The following SNCAIP variants were observed in gnomAD, a reference collection of about 807,000 sequenced individuals.
SNCAIP encodes the protein synphilin-1.
In SNCAIP, 43 loss-of-function variants were observed where a neutral mutation model predicts 86.7. The observed-to-expected ratio is 0.50, with a 90% CI of 0.39 to 0.64. The LOEUF is 0.64. Among genes scored for constraint, SNCAIP ranks in the 30% least tolerant of loss-of-function variants. The pLI, the probability that SNCAIP is intolerant of heterozygous loss-of-function variation, is 0.00. For missense variants in SNCAIP, 981 were observed against 1,103.1 expected, an observed-to-expected ratio of 0.89 and a Z score of 1.57; for synonymous variants, 417 against 427.2, an observed-to-expected ratio of 0.98 and a Z score of 0.29.
intron 6 of SNCAIP, among the ~76,000 whole-genome samples, chr5:122,433,156 A>G (rs570277285): frequency 6.7e-6 from 1 of 148,452 alleles, no homozygotes; most frequent in South Asian, 2.1e-4. Flanking sequence ...TGTATAATAT[A>G]TATTACATAA....
At chr5:122,398,522 T>A (rs1355186691) in intron 2 of SNCAIP, among the ~76,000 whole-genome samples, 1 of 152,176 alleles carries the variant, frequency 6.6e-6, no homozygotes, top group East Asian at 1.9e-4. Context: ...CCAGCTTTGT[T>A]TGTACACATT....
At chr5:122,393,902 A>G (rs142120876) in intron 2 of SNCAIP, among the ~76,000 whole-genome samples, 86 of 152,296 alleles carry the variant, frequency 5.6e-4, no homozygotes, top group African/African-American at 2.0e-3. Context: ...ACTGGAGACA[A>G]CCTCTTAAAT....
At chr5:122,349,319 G>A (rs1468886430) in intron 1 of SNCAIP, among the ~76,000 whole-genome samples, 1 of 152,142 alleles carries the variant, frequency 6.6e-6, no homozygotes, top group Non-Finnish European at 1.5e-5. Flanking sequence ...CAGGGCTGTA[G>A]AGAGGTAGGA....
At chr5:122,388,648 C>T (rs1353496821) in intron 1 of SNCAIP, 1 of 152,188 alleles carries the variant, frequency 6.6e-6, no homozygotes, top group Non-Finnish European at 1.5e-5. Flanking sequence ...ACTGGGACAA[C>T]TGCAGACTCA....
intron 5 of SNCAIP, among the ~76,000 whole-genome samples, chr5:122,430,011 G>GCCAA (rs1691064147): frequency 6.6e-6 from 1 of 152,144 alleles, no homozygotes; most frequent in South Asian, 2.1e-4. Context: ...GGAGCAGGGA[G>GCCAA]CCAACTCATT....
At chr5:122,342,486 A>G (rs1358171252) in intron 1 of SNCAIP, among the ~76,000 whole-genome samples, 2 of 152,252 alleles carry the variant, frequency 1.3e-5, no homozygotes, top group East Asian at 3.9e-4. Flanking sequence ...ATTTCCATCC[A>G]CATGCCACTT....
At position 122,324,274 on chromosome 5, in the gene SNCAIP, A is replaced by G. The variant is rs1236683048; in HGVS notation, c.-47+11990A>G. ...GATTGTGAAATTATATCCTACATCC[A>G]AGCTTAGAACAACCTGGATAGAATT... On this transcript the variant is annotated intron_variant, in intron 1 of 10. Transcript: ENST00000261368. Among the ~76,000 whole-genome samples the G allele has an allele frequency of 3.3e-5, 5 of 152,294 alleles. No individual in the cohort carries two copies. In the East Asian group the frequency reaches 9.7e-4, roughly 29 times the overall value.
intron 3 of SNCAIP, among the ~76,000 whole-genome samples, chr5:122,415,977 T>C (rs942881197): frequency 1.3e-5 from 2 of 152,238 alleles, no homozygotes; most frequent in Admixed American, 6.5e-5. Context: ...GAAGACCACG[T>C]AACTTTCTGC....
intron 10 of SNCAIP, among the ~76,000 whole-genome samples, chr5:122,457,229 C>A (rs1289040730): frequency 6.6e-6 from 1 of 152,142 alleles, no homozygotes; most frequent in Non-Finnish European, 1.5e-5. Flanking sequence ...TTTTGAACTC[C>A]TGACCTCAGA....
chr5:122,339,623 T>C (rs530187820), intron 1 of SNCAIP, among the ~76,000 whole-genome samples: 3 of 152,238 alleles, frequency 2.0e-5, no homozygotes, highest in African/African-American at 4.8e-5. Flanking sequence ...AGATTTCCGG[T>C]CTTGATTCAA....
chr5:122,423,770 A>C, intron 4 of SNCAIP, 31 bp downstream of exon 4: 2 of 1,572,300 alleles, frequency 1.3e-6, no homozygotes, highest in Non-Finnish European at 1.7e-6. Context: ...TATACATGTC[A>C]ATAGACTGGA....
At chr5:122,311,690 A>G (rs1318013683), upstream of SNCAIP, 2 of 152,596 alleles carry the variant, frequency 1.3e-5, no homozygotes, top group Non-Finnish European at 2.9e-5. Context: ...GCAGGAGGAG[A>G]AAAGTGGGAA....
chr5:122,319,530 C>T (rs924026950), intron 1 of SNCAIP, among the ~76,000 whole-genome samples: 6 of 152,184 alleles, frequency 3.9e-5, no homozygotes, highest in African/African-American at 1.4e-4. Flanking sequence ...AAACTGTTTT[C>T]AGTCTGAGAG....
intron 6 of SNCAIP, among the ~76,000 whole-genome samples, chr5:122,433,392 A>C (rs1778798406): frequency 6.6e-6 from 1 of 152,002 alleles, no homozygotes; most frequent in African/African-American, 2.4e-5. Context: ...CTAGATTTCA[A>C]CTCAGATTCT....
chr5:122,345,174 C>G (rs1758347829), intron 1 of SNCAIP, among the ~76,000 whole-genome samples: 1 of 152,128 alleles, frequency 6.6e-6, no homozygotes, highest in Non-Finnish European at 1.5e-5. Context: ...GTATTGTCAA[C>G]AAAAGGGCTA....
At chr5:122,339,202 T>C (rs948823499) in intron 1 of SNCAIP, among the ~76,000 whole-genome samples, 7 of 152,202 alleles carry the variant, frequency 4.6e-5, no homozygotes, top group Non-Finnish European at 1.0e-4. Flanking sequence ...TGAAATTTTC[T>C]GATTTTTAGG....
At chr5:122,439,910 A>T (rs1780430644) in intron 6 of SNCAIP, among the ~76,000 whole-genome samples, 1 of 152,240 alleles carries the variant, frequency 6.6e-6, no homozygotes, top group Admixed American at 6.5e-5. Flanking sequence ...ACAGATTATG[A>T]CAACACATAC....
intron 8 of SNCAIP, among the ~76,000 whole-genome samples, chr5:122,445,674 A>T (rs1352573180): frequency 2.1e-5 from 3 of 142,292 alleles, no homozygotes; most frequent in Admixed American, 7.1e-5. Context: ...ACACACACAC[A>T]TTTTTTTTCT....
chr5:122,358,203 G>GTA (rs1214552209), intron 1 of SNCAIP, among the ~76,000 whole-genome samples: 2,329 of 130,266 alleles, frequency 0.018, 52 homozygotes, highest in East Asian at 0.086. Flanking sequence ...GTGTGTGTGT[G>GTA]TATATATATA....
Sources: gnomAD v4.1 joint callset for allele counts (sites outside exome capture counted in the v4.1 genomes callset) on GRCh38, gnomAD v4.1.1 for gene constraint, MANE v1.5 for transcripts, NCBI Gene and HGNC (gene_info 2026-07-23, HGNC 2026-07-21) for gene names.